The following RNF38 variants were observed in gnomAD, a reference collection of about 807,000 sequenced individuals.
RNF38 encodes the protein ring finger protein 38, also known as E3 ubiquitin-protein ligase RNF38.
Under a neutral mutation model 67.2 loss-of-function variants are expected in RNF38, and 15 were observed. That is an observed-to-expected ratio of 0.22 (90% CI 0.15 to 0.34). The LOEUF is 0.34. RNF38 is among the 10% of genes least tolerant of loss of function. The pLI, the probability that RNF38 is intolerant of heterozygous loss-of-function variation, is 1.00. For synonymous variants in RNF38, 220 were observed against 218.8 expected, an observed-to-expected ratio of 1.01 and a Z score of -0.05; for missense variants, 524 against 639.9, an observed-to-expected ratio of 0.82 and a Z score of 1.95.
At chr9:36,372,885 C>A (rs1835490200) in intron 3 of RNF38, among the ~76,000 whole-genome samples, 1 of 152,138 alleles carries the variant, frequency 6.6e-6, no homozygotes, top group Non-Finnish European at 1.5e-5. Context: ...GAGAAATGCA[C>A]ACACAAAGGT....
At chr9:36,427,773 C>T (rs181286401) in intron 1 of RNF38, among the ~76,000 whole-genome samples, 6 of 151,896 alleles carry the variant, frequency 4.0e-5, no homozygotes, top group African/African-American at 7.2e-5. Flanking sequence ...GGTAGTGGTG[C>T]GATCTTGGCT....
chr9:36,397,005 TTA>T (rs1355381581), intron 1 of RNF38, among the ~76,000 whole-genome samples: 5 of 18,212 alleles, frequency 2.7e-4, no homozygotes, highest in Non-Finnish European at 6.8e-4. Context: ...ACAATTTGCT[TTA>T]TATATGTGTG....
intron 9 of RNF38, among the ~76,000 whole-genome samples, chr9:36,349,884 T>G (rs1340217566): frequency 6.6e-6 from 1 of 152,182 alleles, no homozygotes; most frequent in African/African-American, 2.4e-5. Flanking sequence ...ACAGTCTTGC[T>G]CTGTCACTCA....
intron 2 of RNF38, among the ~76,000 whole-genome samples, chr9:36,384,130 G>T (rs181247378): frequency 4.6e-5 from 7 of 152,018 alleles, no homozygotes; most frequent in Non-Finnish European, 7.4e-5. Context: ...TGCTACAATT[G>T]TAAGTATCAC....
chr9:36,460,544 T>C (rs1170381845), intron 1 of RNF38, among the ~76,000 whole-genome samples: 2 of 152,022 alleles, frequency 1.3e-5, no homozygotes, highest in African/African-American at 4.8e-5. Context: ...CCAGAACACT[T>C]AATGGACTGG....
intron 1 of RNF38, among the ~76,000 whole-genome samples, chr9:36,393,316 C>T (rs1033910508): frequency 1.3e-5 from 2 of 152,176 alleles, no homozygotes; most frequent in African/African-American, 4.8e-5. Context: ...CTACTCACAA[C>T]AGTTTCCTTT....
intron 11 of RNF38, among the ~76,000 whole-genome samples, chr9:36,340,204 C>T (rs1392388546): frequency 1.3e-5 from 2 of 152,166 alleles, no homozygotes; most frequent in African/African-American, 4.8e-5. Flanking sequence ...GTCTCAAACT[C>T]CTGACCTCGG....
At chr9:36,400,319 A>G (rs1837913967), upstream of RNF38, 2 of 1,254,402 alleles carry the variant, frequency 1.6e-6, no homozygotes, top group Non-Finnish European at 2.0e-6. Flanking sequence ...GGGTGACATC[A>G]TTTCACCTGC....
intron 1 of RNF38, among the ~76,000 whole-genome samples, chr9:36,426,830 A>G (rs1417379996): frequency 6.6e-6 from 1 of 152,248 alleles, no homozygotes; most frequent in Non-Finnish European, 1.5e-5. Flanking sequence ...GTCACTTAAC[A>G]AATCATATGC....
At chr9:36,414,703 A>C (rs1372889696) in intron 2 of RNF38, among the ~76,000 whole-genome samples, 2 of 152,002 alleles carry the variant, frequency 1.3e-5, no homozygotes, top group Non-Finnish European at 2.9e-5. Context: ...AAAAAAAAAA[A>C]AAAGATTTAG....
intron 2 of RNF38, among the ~76,000 whole-genome samples, chr9:36,381,083 C>T (rs934795607): frequency 1.3e-5 from 2 of 152,098 alleles, no homozygotes; most frequent in African/African-American, 4.8e-5. Flanking sequence ...GGGTTTCTCC[C>T]GTGAGAATTC....
At chr9:36,395,508 A>T (rs1452786671) in intron 1 of RNF38, among the ~76,000 whole-genome samples, 1 of 152,236 alleles carries the variant, frequency 6.6e-6, no homozygotes, top group Admixed American at 6.5e-5. Context: ...AGACGAAAAC[A>T]AAACATTAGA....
chr9:36,400,737 C>A, upstream of RNF38: 1 of 985,722 alleles, frequency 1.0e-6, no homozygotes, highest in Non-Finnish European at 1.2e-6. Flanking sequence ...CCTCCCGGCA[C>A]CATCACACGG....
chr9:36,421,507 T>TA (rs1361616567), intron 2 of RNF38, among the ~76,000 whole-genome samples: 2 of 151,656 alleles, frequency 1.3e-5, no homozygotes, highest in African/African-American at 4.9e-5. Flanking sequence ...CTACTAAAAA[T>TA]ACAAAATTAG....
intron 3 of RNF38, among the ~76,000 whole-genome samples, chr9:36,370,818 G>C (rs958797113): frequency 2.6e-5 from 4 of 151,720 alleles, no homozygotes; most frequent in Non-Finnish European, 5.9e-5. Context: ...TGAAGTGGGA[G>C]AATCACCTAA....
chr9:36,482,633 G>A (rs1247371325), intron 1 of RNF38, among the ~76,000 whole-genome samples: 1 of 152,166 alleles, frequency 6.6e-6, no homozygotes, highest in Non-Finnish European at 1.5e-5. Flanking sequence ...GATTATAAGC[G>A]TGAGCCACTG....
intron 11 of RNF38, 147 bp downstream of exon 11, chr9:36,342,178 G>A: frequency 2.2e-6 from 1 of 453,778 alleles, no homozygotes; most frequent in Admixed American, 4.9e-5. Context: ...ATTTTTACTG[G>A]CCTTTTCTCA....
intron 1 of RNF38, among the ~76,000 whole-genome samples, chr9:36,432,424 G>A (rs752596031): frequency 1.8e-4 from 27 of 150,912 alleles, no homozygotes; most frequent in South Asian, 6.6e-4. Context: ...TTAAGCCACC[G>A]CGCCTAGCTA....
intron 1 of RNF38, among the ~76,000 whole-genome samples, chr9:36,460,885 CAAAAAAA>C (rs752827635): frequency 2.5e-4 from 13 of 52,946 alleles, no homozygotes; most frequent in African/African-American, 1.0e-3. Flanking sequence ...GAAACTCTCT[CAAAAAAA>C]AAAAAAAAAA....
Sources: allele counts gnomAD v4.1 joint callset (sites outside exome capture counted in the v4.1 genomes callset), GRCh38; gene constraint gnomAD v4.1.1; transcripts MANE v1.5; gene names NCBI Gene and HGNC (gene_info 2026-07-23, HGNC 2026-07-21).